CAMTA1: variants seen among roughly 807,000 people sequenced by gnomAD.
The protein encoded by CAMTA1 is calmodulin-binding transcription activator 1.
In CAMTA1, 27 loss-of-function variants were observed where a neutral mutation model predicts 170.9. The observed-to-expected ratio is 0.16, with a 90% confidence interval of 0.12 to 0.22. The LOEUF (loss-of-function observed/expected upper bound fraction) is 0.22, where lower values mean the gene tolerates loss of function less well. Among genes scored for constraint, CAMTA1 ranks in the 10% least tolerant of loss-of-function variants. The pLI, the probability that CAMTA1 is intolerant of heterozygous loss-of-function variation, is 1.00. For missense variants in CAMTA1, 1,619 were observed against 2,217.2 expected, an observed-to-expected ratio of 0.73 and a Z score of 5.42; for synonymous variants, 833 against 891.5, an observed-to-expected ratio of 0.93 and a Z score of 1.17.
At chr1:6,935,201 G>T (rs1338662809) in intron 3 of CAMTA1, among the ~76,000 whole-genome samples, 3 of 152,126 alleles carry the variant, frequency 2.0e-5, no homozygotes, top group Non-Finnish European at 2.9e-5. Flanking sequence ...CATATATATT[G>T]TCAAATAATA....
At chr1:7,733,145 T>A (rs1367636150) in intron 12 of CAMTA1, among the ~76,000 whole-genome samples, 1 of 151,934 alleles carries the variant, frequency 6.6e-6, no homozygotes, top group Non-Finnish European at 1.5e-5. Context: ...GAGGCTGCAG[T>A]GAGCCATGAT....
intron 3 of CAMTA1, among the ~76,000 whole-genome samples, chr1:6,942,666 A>G (rs1571914847): frequency 6.6e-6 from 1 of 152,174 alleles, no homozygotes; most frequent in African/African-American, 2.4e-5. Context: ...CTCTAAAAAA[A>G]TAAAAAATAA....
At chr1:6,893,289 A>G (rs183723161) in intron 3 of CAMTA1, among the ~76,000 whole-genome samples, 17 of 152,266 alleles carry the variant, frequency 1.1e-4, no homozygotes, top group African/African-American at 3.9e-4. Context: ...AGAAAAAAAA[A>G]GCTGTTTGTC....
chr1:6,957,975 G>C (rs747682208), intron 3 of CAMTA1, among the ~76,000 whole-genome samples: 3 of 152,146 alleles, frequency 2.0e-5, no homozygotes, highest in Non-Finnish European at 4.4e-5. Flanking sequence ...GTTCCCTCCC[G>C]CCTGTCAGCA....
intron 5 of CAMTA1, among the ~76,000 whole-genome samples, chr1:7,311,158 A>T (rs571103358): frequency 6.6e-6 from 1 of 152,162 alleles, no homozygotes; most frequent in East Asian, 1.9e-4. Flanking sequence ...TCTTGTGCCA[A>T]ATTTTTGAAG....
At chr1:7,187,383 T>A (rs1037099240) in intron 4 of CAMTA1, among the ~76,000 whole-genome samples, 1 of 152,192 alleles carries the variant, frequency 6.6e-6, no homozygotes, top group Admixed American at 6.5e-5. Context: ...TTTTTTAACA[T>A]AAAATACACA....
chr1:7,544,372 A>T (rs2094659521), intron 6 of CAMTA1, among the ~76,000 whole-genome samples: 1 of 152,232 alleles, frequency 6.6e-6, no homozygotes. Context: ...ATGAGAGTAC[A>T]ATTCAAGATG....
At chr1:7,079,628 C>T (rs182250613) in intron 3 of CAMTA1, among the ~76,000 whole-genome samples, 5 of 151,902 alleles carry the variant, frequency 3.3e-5, no homozygotes, top group East Asian at 3.9e-4. Flanking sequence ...CACACCATCA[C>T]GCCTGGCTAA....
At chr1:6,896,087 G>T (rs1408662247) in intron 3 of CAMTA1, among the ~76,000 whole-genome samples, 1 of 152,170 alleles carries the variant, frequency 6.6e-6, no homozygotes, top group African/African-American at 2.4e-5. Flanking sequence ...GGAACTAGCT[G>T]CCTAGAAGCT....
chr1:7,260,842 C>T (rs1391630270), intron 5 of CAMTA1, among the ~76,000 whole-genome samples: 1 of 152,182 alleles, frequency 6.6e-6, no homozygotes, highest in Non-Finnish European at 1.5e-5. Context: ...CCACAATTTA[C>T]CTACAGTTTA....
chr1:7,498,758 T>G (rs910134443), intron 6 of CAMTA1, among the ~76,000 whole-genome samples: 5 of 139,066 alleles, frequency 3.6e-5, no homozygotes, highest in African/African-American at 1.4e-4. Context: ...GTGCAGAGGA[T>G]TGTGTGAGCC....
chr1:7,491,484 C>T (rs1373283399), intron 6 of CAMTA1, among the ~76,000 whole-genome samples: 3 of 152,186 alleles, frequency 2.0e-5, no homozygotes, highest in African/African-American at 7.2e-5. Flanking sequence ...GCGTGTACTG[C>T]CGATTGTCCA....
chr1:6,810,691 G>A (rs1486221066), intron 1 of CAMTA1, among the ~76,000 whole-genome samples: 2 of 152,126 alleles, frequency 1.3e-5, no homozygotes, highest in Non-Finnish European at 2.9e-5. Context: ...TGCAGTCCCA[G>A]CTACTCCGGA....
intron 3 of CAMTA1, among the ~76,000 whole-genome samples, chr1:7,024,028 C>CAAAAAAAA (rs35095557): frequency 5.2e-5 from 5 of 96,094 alleles, no homozygotes; most frequent in East Asian, 3.0e-4. Flanking sequence ...GACTCTGTCT[C>CAAAAAAAA]AAAAAAAAAA....
At position 7,524,216 on chromosome 1, in the gene CAMTA1, C is replaced by A. The variant is rs557426805; in HGVS notation, c.510+56315C>A. 2.0e-3 allele frequency among the ~76,000 whole-genome samples: 309 copies of A among 152,210 alleles called. 5 individuals carry two copies. The Middle Eastern group carries it at 0.037, about 18-fold the overall frequency. On this transcript the variant is annotated intron_variant, in intron 6 of 22. Coordinates refer to ENST00000303635, the MANE Select transcript of CAMTA1 (RefSeq NM_015215.4). ...CCAGGAGACTCTGTCTCCACACACACAAAAAAGAATTTCATTTTCTTTGGA... is the reference window on the plus strand; with the variant it reads ...CCAGGAGACTCTGTCTCCACACACAAAAAAAAGAATTTCATTTTCTTTGGA...
chr1:7,501,475 G>T (rs972934353), intron 6 of CAMTA1, among the ~76,000 whole-genome samples: 2 of 152,180 alleles, frequency 1.3e-5, no homozygotes, highest in African/African-American at 4.8e-5. Context: ...GCTTGGCGGG[G>T]TGTGGGTTTT....
Position 7,736,835 on chromosome 1 carries a change from C to T in CAMTA1, c.3264-96C>T. The T allele has an allele frequency of 2.0e-6, 2 of 980,730 alleles. No homozygotes were observed. Among genetic ancestry groups the T allele is most frequent in the Non-Finnish European group, 3.2e-6 (2 of 628,372 alleles). The allele number at this position is 980,730 out of a possible 1,614,324, so 60.8% of individuals were successfully genotyped here. On this transcript the variant is annotated intron_variant, in intron 13 of 22. Transcript: ENST00000303635. The surrounding 1 kb of genome is among the most constrained non-coding windows in gnomAD (Gnocchi z 4.5). ...CTTCACCATGGGGATGTTATATACCCAGTTGGGTTTCATCTTGGTGGGGTT... is the reference window on the plus strand; with the variant it reads ...CTTCACCATGGGGATGTTATATACCTAGTTGGGTTTCATCTTGGTGGGGTT...
intron 3 of CAMTA1, among the ~76,000 whole-genome samples, chr1:7,019,245 G>A (rs997710415): frequency 6.6e-6 from 1 of 152,260 alleles, no homozygotes; most frequent in Non-Finnish European, 1.5e-5. Context: ...GGGCTGGGCA[G>A]CCTCTGCAAA....
intron 4 of CAMTA1, among the ~76,000 whole-genome samples, chr1:7,187,957 A>G (rs1653739478): frequency 6.6e-6 from 1 of 152,252 alleles, no homozygotes; most frequent in South Asian, 2.1e-4. Context: ...TTACAAAGGA[A>G]AGAAGTTTAA....
Sources: allele counts gnomAD v4.1 joint callset (sites outside exome capture counted in the v4.1 genomes callset), GRCh38; gene constraint gnomAD v4.1.1; non-coding constraint Gnocchi (gnomAD v3.1); transcripts MANE v1.5; gene names NCBI Gene and HGNC (gene_info 2026-07-23, HGNC 2026-07-21).